KIAA1217: variants seen among roughly 807,000 people sequenced by gnomAD.
KIAA1217 encodes the protein sickle tail protein homolog.
A neutral mutation model predicts 163.9 loss-of-function variants in KIAA1217; 88 were observed. The observed-to-expected ratio is 0.54, with a 90% CI of 0.45 to 0.64. The LOEUF (loss-of-function observed/expected upper bound fraction) is 0.64. Ranked by LOEUF, KIAA1217 falls within the 30% of genes least tolerant of loss-of-function variation. The pLI is 0.00. For missense variants in KIAA1217, 2,372 were observed against 2,475.0 expected, an observed-to-expected ratio of 0.96 and a Z score of 0.88; for synonymous variants, 903 against 923.1, an observed-to-expected ratio of 0.98 and a Z score of 0.39.
intron 1 of KIAA1217, among the ~76,000 whole-genome samples, chr10:23,845,949 T>C (rs1049769813): frequency 6.6e-6 from 1 of 152,364 alleles, no homozygotes; most frequent in Non-Finnish European, 1.5e-5. Context: ...TTTCTGCATA[T>C]GGCTAGCCAG....
intron 2 of KIAA1217, among the ~76,000 whole-genome samples, chr10:24,058,772 C>T (rs2060614835): frequency 6.6e-6 from 1 of 151,794 alleles, no homozygotes; most frequent in South Asian, 2.1e-4. Flanking sequence ...ATTAGTTTAC[C>T]TTTTTTTTCT....
chr10:23,846,429 C>A (rs1047379568), intron 1 of KIAA1217, among the ~76,000 whole-genome samples: 1 of 152,064 alleles, frequency 6.6e-6, no homozygotes, highest in East Asian at 1.9e-4. Flanking sequence ...TTGTAGTTCT[C>A]CTTGAAGAGG....
intron 2 of KIAA1217, among the ~76,000 whole-genome samples, chr10:24,013,814 GC>G (rs1847354892): frequency 6.6e-6 from 1 of 152,082 alleles, no homozygotes; most frequent in South Asian, 2.1e-4. Context: ...TATGGGGAGT[GC>G]CGCCATGAGG....
intron 1 of KIAA1217, among the ~76,000 whole-genome samples, chr10:23,981,077 T>A (rs919152342): frequency 6.6e-6 from 1 of 152,204 alleles, no homozygotes; most frequent in Non-Finnish European, 1.5e-5. Flanking sequence ...AAAGCAGAGA[T>A]AAACTTTAGT....
chr10:23,704,172 G>GTGTGTGTGTGTGTGTGTGTATATA (rs1229370789), intron 1 of KIAA1217, among the ~76,000 whole-genome samples: 2 of 39,948 alleles, frequency 5.0e-5, no homozygotes, highest in African/African-American at 2.7e-4. Context: ...GTGTGTGTGT[G>GTGTGTGTGTGTGTGTGTGTATATA]TATATATATA....
At chr10:23,907,273 G>A (rs1017223210) in intron 1 of KIAA1217, among the ~76,000 whole-genome samples, 36 of 150,638 alleles carry the variant, frequency 2.4e-4, no homozygotes, top group African/African-American at 7.0e-4. Flanking sequence ...GTTCTGCAGA[G>A]AAAGAGAACC....
chr10:24,319,375 C>CAAAAAAA (rs34410717), intron 2 of KIAA1217, among the ~76,000 whole-genome samples: 2 of 45,812 alleles, frequency 4.4e-5, no homozygotes, highest in African/African-American at 6.4e-5. Context: ...GACGTTGTCT[C>CAAAAAAA]AAAAAAAAAA....
At chr10:24,419,571 A>G (rs1384866132) in intron 3 of KIAA1217, among the ~76,000 whole-genome samples, 1 of 152,160 alleles carries the variant, frequency 6.6e-6, no homozygotes, top group African/African-American at 2.4e-5. Flanking sequence ...AGATTAAATG[A>G]ATTAATATGT....
intron 13 of KIAA1217, among the ~76,000 whole-genome samples, chr10:24,526,906 A>C (rs9971265): frequency 0.47 from 71,580 of 151,614 alleles, 17,123 homozygotes; most frequent in Middle Eastern, 0.49. Context: ...ACTTGGGCAA[A>C]TTCTCCATCT....
chr10:23,730,451 G>A (rs1838412732), intron 1 of KIAA1217, among the ~76,000 whole-genome samples: 1 of 152,138 alleles, frequency 6.6e-6, no homozygotes, highest in South Asian at 2.1e-4. Context: ...AGTAGTGTCA[G>A]TTCTTCAACG....
At chr10:23,726,321 C>A (rs1476299832) in intron 1 of KIAA1217, among the ~76,000 whole-genome samples, 1 of 140,820 alleles carries the variant, frequency 7.1e-6, no homozygotes, top group Admixed American at 7.1e-5. Flanking sequence ...TTTTTTTAGA[C>A]AAATCATATT....
intron 2 of KIAA1217, among the ~76,000 whole-genome samples, chr10:24,318,183 A>G (rs982888526): frequency 6.6e-6 from 1 of 152,092 alleles, no homozygotes; most frequent in Non-Finnish European, 1.5e-5. Flanking sequence ...ATTAGATTAG[A>G]GAGGTAGGTA....
chr10:24,322,858 G>A (rs544088662), intron 2 of KIAA1217, among the ~76,000 whole-genome samples: 5 of 152,310 alleles, frequency 3.3e-5, no homozygotes, highest in South Asian at 4.1e-4. Flanking sequence ...TCTTGGCAAC[G>A]TGTGATTGAA....
At position 24,250,599 on chromosome 10, in the gene KIAA1217, A is replaced by ATTT. The variant is rs1161956566; in HGVS notation, c.354+30702_354+30704dup. On this transcript the variant is annotated intron_variant, in intron 2 of 20. Coordinates refer to ENST00000376454, the MANE Select transcript of KIAA1217 (RefSeq NM_019590.5). ...ATGTGCCTGCCACCACGCCTTGCTA[A>ATTT]TTTTTTTTTTTTTTGTATTGTTAAT... 1.8e-3 allele frequency among the ~76,000 whole-genome samples: 3 copies of ATTT among 1,694 alleles called. 1 individual carries two copies. Among genetic ancestry groups the ATTT allele is most frequent in the Non-Finnish European group, 2.3e-3 (2 of 886 alleles). The allele number at this position is 1,694 out of a possible 152,430, so 1.1% of individuals were successfully genotyped here.
chr10:23,802,689 T>G (rs995709300), intron 1 of KIAA1217, among the ~76,000 whole-genome samples: 5 of 152,246 alleles, frequency 3.3e-5, no homozygotes, highest in Admixed American at 6.5e-5. Flanking sequence ...GAAACTTTAT[T>G]TTTTAAATCA....
At chr10:24,002,718 G>C (rs1220928913) in intron 1 of KIAA1217, among the ~76,000 whole-genome samples, 1 of 152,138 alleles carries the variant, frequency 6.6e-6, no homozygotes, top group Non-Finnish European at 1.5e-5. Context: ...AAGTTTGTTA[G>C]TGGTGATTTC....
rs73604500 is a variant in KIAA1217 at position 24,546,604 on chromosome 10, C to T, written c.*280C>T. On this transcript the variant is annotated 3_prime_UTR_variant, in exon 21 of 21. Coordinates refer to ENST00000376454, the MANE Select transcript of KIAA1217 (RefSeq NM_019590.5). ...GAGGTTCTGGTGGGAGAGAAAGGTG[C>T]GTGTGAGACAGGAGAATTGTCTTAA... The T allele has an allele frequency of 1.5e-3, 499 of 333,502 alleles. 3 individuals carry two copies. The highest frequency in any genetic ancestry group is 9.9e-3 in the African/African-American group (466 of 47,304). The allele number at this position is 333,502 out of a possible 1,614,324, so 20.7% of individuals were successfully genotyped here. A position where few individuals can be genotyped will look rare whatever the true frequency, so the allele number is the denominator to read the frequency against.
intron 1 of KIAA1217, among the ~76,000 whole-genome samples, chr10:23,854,445 A>T (rs189932933): frequency 6.6e-6 from 1 of 151,996 alleles, no homozygotes; most frequent in Non-Finnish European, 1.5e-5. Context: ...TATGTGGTCA[A>T]TTTTGGAGTA....
At chr10:24,167,062 G>A (rs1481150000) in intron 2 of KIAA1217, among the ~76,000 whole-genome samples, 4 of 151,892 alleles carry the variant, frequency 2.6e-5, no homozygotes, top group African/African-American at 9.7e-5. Flanking sequence ...TTTTTAAAAG[G>A]AAAATATATT....
Sources: gnomAD v4.1 joint callset for allele counts (sites outside exome capture counted in the v4.1 genomes callset) on GRCh38, gnomAD v4.1.1 for gene constraint, MANE v1.5 for transcripts, NCBI Gene and HGNC (gene_info 2026-07-23, HGNC 2026-07-21) for gene names.